Variants in VRTN observed in about 807,000 individuals in gnomAD.
VRTN encodes the protein vertebrae development associated.
A neutral mutation model predicts 18.2 loss-of-function variants in VRTN; 5 were observed. That is an observed-to-expected ratio of 0.27 (90% CI 0.14 to 0.58). The LOEUF is 0.58. VRTN is among the 20% of genes least tolerant of loss of function. The pLI, the probability that VRTN is intolerant of heterozygous loss-of-function variation, is 0.91. For synonymous variants in VRTN, 381 were observed against 393.7 expected, an observed-to-expected ratio of 0.97 and a Z score of 0.38; for missense variants, 741 against 939.4, an observed-to-expected ratio of 0.79 and a Z score of 2.76.
At chr14:74,351,236 T>C (rs2085681234) in intron 1 of VRTN, among the ~76,000 whole-genome samples, 9 of 152,202 alleles carry the variant, frequency 5.9e-5, no homozygotes, top group Admixed American at 5.9e-4. Flanking sequence ...TTTTTAAAAA[T>C]TGTATAATGT....
upstream of VRTN, among the ~76,000 whole-genome samples, chr14:74,344,246 C>CAACAAAAAAAAAAAAAAA (rs2085627146): frequency 6.2e-5 from 2 of 32,512 alleles, no homozygotes; most frequent in Non-Finnish European, 9.8e-5. Context: ...CTGCTTTCTA[C>CAACAAAAAAAAAAAAAAA]AAAAAAAAAA....
In VRTN at chr14:74,357,927, G is replaced by T; in HGVS notation, c.1144G>T (p.Val382Leu). 6.2e-7 allele frequency: 1 copy of T among 1,614,216 alleles called. No homozygotes were observed. Among genetic ancestry groups the T allele is most frequent in the South Asian group, 1.1e-5 (1 of 91,092 alleles). Reference protein sequence around the residue: ...EELEKLPEEQVAEEELECSAL... With the variant: ...EELEKLPEEQLAEEELECSAL... ...GCTAGAGAAGCTGCCGGAGGAGCAG[G>T]TGGCTGAGGAGGAGCTGGAGTGCTC... The change falls in exon 2 of 2, where the codon GTG (valine) becomes TTG (leucine). Residue 382 changes from valine (V) to leucine (L), a missense_variant. By Grantham distance (32) the Val-to-Leu change is conservative (BLOSUM62 1). Coordinates refer to ENST00000256362, the MANE Select transcript of VRTN (RefSeq NM_018228.3). This position sits in a 1 kb window ranked among gnomAD's most constrained non-coding sequence, Gnocchi z 7.8.
upstream of VRTN, among the ~76,000 whole-genome samples, chr14:74,344,961 A>C (rs2085634270): frequency 1.3e-5 from 2 of 152,176 alleles, no homozygotes; most frequent in South Asian, 4.1e-4. Context: ...ACTAGAAACA[A>C]TACTGGCTGC....
chr14:74,357,896 G>T lies in VRTN; in HGVS notation c.1113G>T (p.Met371Ile). Residue 371 changes from methionine (M) to isoleucine (I), a missense_variant, in exon 2 of 2, where the codon ATG becomes ATT. This residue lies in a region of VRTN where 494 missense variants were observed against 546.5 expected (regional missense o/e 0.90). Transcript: ENST00000256362. The surrounding 1 kb of genome is among the most constrained non-coding windows in gnomAD (Gnocchi z 7.8). ...TGCCCCCCAGGGAGGTGCTGGGCAT[G>T]GAGGAGCTAGAGAAGCTGCCGGAGG... ...PALPPREVLG[M>I]EELEKLPEEQ... The T allele has an allele frequency of 6.2e-7, 1 of 1,614,110 alleles. No individual in the cohort carries two copies. The highest frequency in any genetic ancestry group is 8.5e-7 in the Non-Finnish European group (1 of 1,180,038).
chr14:74,303,228 G>T, intron 1 of VRTN: 1 of 328,902 alleles, frequency 3.0e-6, no homozygotes, highest in Non-Finnish European at 5.5e-6. Flanking sequence ...TTCTCCCAGA[G>T]AAGCCAGCAT....
At chr14:74,306,187 T>C (rs963939268) in intron 1 of VRTN, 3 of 131,380 alleles carry the variant, frequency 2.3e-5, no homozygotes, top group Non-Finnish European at 4.7e-5. Flanking sequence ...TTTTTTTTTT[T>C]TGAGACAGAG....
chr14:74,337,733 TG>T (rs2140204927), exon 2 of VRTN: 2 of 152,318 alleles, frequency 1.3e-5, no homozygotes, highest in South Asian at 4.1e-4. Context: ...GTACGTTTCC[TG>T]AGGACAGCTG....
upstream of VRTN, among the ~76,000 whole-genome samples, chr14:74,346,058 C>G (rs1320094880): frequency 2.0e-5 from 3 of 151,706 alleles, no homozygotes; most frequent in Non-Finnish European, 2.9e-5. Flanking sequence ...AATCCCAGCA[C>G]TTTGGGAGGC....
rs1053445372 is a variant in VRTN at position 74,312,900 on chromosome 14, G to A, written c.-164+9724G>A. ...TGGGATTACAGGCTCACTCCACCAC[G>A]CCTGGCTAAGTTTTATATTTTTAGT... On this transcript the variant is annotated intron_variant, in intron 1 of 2. Transcript: ENST00000557177. 3.3e-5 allele frequency among the ~76,000 whole-genome samples: 5 copies of A among 151,804 alleles called. 1 individual carries two copies. In the South Asian group the frequency reaches 1.0e-3, roughly 32 times the overall value.
intron 1 of VRTN, among the ~76,000 whole-genome samples, chr14:74,352,693 G>A (rs961315269): frequency 9.9e-5 from 15 of 152,074 alleles, no homozygotes; most frequent in Admixed American, 2.6e-4. Flanking sequence ...GATTATAGGC[G>A]TGTGCCACCA....
rs765776854 is a variant in VRTN, at chr14:74,357,859, C to A, written c.1076C>A (p.Thr359Asn). The A allele has an allele frequency of 3.1e-6, 5 of 1,613,616 alleles. No individual in the cohort carries two copies. Among genetic ancestry groups the A allele is most frequent in the Non-Finnish European group, 4.2e-6 (5 of 1,179,822 alleles). Residue 359 changes from threonine (T) to asparagine (N), a missense_variant, in exon 2 of 2, where the codon ACC becomes AAC. Coordinates refer to ENST00000256362, the MANE Select transcript of VRTN (RefSeq NM_018228.3). This position sits in a 1 kb window ranked among gnomAD's most constrained non-coding sequence, Gnocchi z 7.8. The part of the protein sequence containing the change: ...AWKHELLGSG[T>N]CPALPPREVL... ...AAGCATGAGCTGCTGGGCTCTGGCA[C>A]CTGCCCGGCCTTGCCCCCCAGGGAG... is the stretch of plus-strand genomic sequence containing the variant.
intron 1 of VRTN, among the ~76,000 whole-genome samples, chr14:74,324,139 A>G (rs1009206408): frequency 6.6e-6 from 1 of 151,568 alleles, no homozygotes; most frequent in East Asian, 1.9e-4. Context: ...CTGTAATCCC[A>G]GCACTTTGAG....
At chr14:74,307,794 G>A (rs886526448) in intron 1 of VRTN, among the ~76,000 whole-genome samples, 4 of 151,822 alleles carry the variant, frequency 2.6e-5, no homozygotes, top group Non-Finnish European at 5.9e-5. Flanking sequence ...GCAGTGGCGC[G>A]ATCTTGGCTC....
chr14:74,337,291 C>G (rs113281211), intron 1 of VRTN, among the ~76,000 whole-genome samples: 3,879 of 151,974 alleles, frequency 0.026, 67 homozygotes, highest in African/African-American at 0.047. Flanking sequence ...TGCAGTGAGC[C>G]GAGATCGTGC....
chr14:74,329,304 C>T (rs1567041178), intron 1 of VRTN, among the ~76,000 whole-genome samples: 1 of 151,866 alleles, frequency 6.6e-6, no homozygotes, highest in Non-Finnish European at 1.5e-5. Context: ...CAGGGTCTCA[C>T]TCTTGTCACC....
intron 1 of VRTN, among the ~76,000 whole-genome samples, chr14:74,315,392 G>A (rs979819479): frequency 1.3e-5 from 2 of 152,054 alleles, no homozygotes; most frequent in African/African-American, 4.8e-5. Flanking sequence ...GTGATAATTC[G>A]TTCAACATTC....
intron 2 of VRTN, among the ~76,000 whole-genome samples, chr14:74,341,460 T>C (rs115830344): frequency 1.1e-3 from 175 of 152,354 alleles, no homozygotes; most frequent in African/African-American, 4.2e-3. Context: ...CCTGGAAAGC[T>C]GTAAATTTAA....
At chr14:74,332,215 C>G (rs978279437) in intron 1 of VRTN, among the ~76,000 whole-genome samples, 5 of 152,004 alleles carry the variant, frequency 3.3e-5, no homozygotes, top group Non-Finnish European at 7.4e-5. Context: ...CTCCCAATCC[C>G]AAAGCTTCCA....
At chr14:74,351,552 G>A (rs1397778689) in intron 1 of VRTN, among the ~76,000 whole-genome samples, 1 of 141,374 alleles carries the variant, frequency 7.1e-6, no homozygotes, top group African/African-American at 2.6e-5. Context: ...CCGGGCTGGA[G>A]TGCAGTGGCA....
Sources: gnomAD v4.1 joint callset for allele counts (sites outside exome capture counted in the v4.1 genomes callset) on GRCh38, gnomAD v4.1.1 for gene constraint, gnomAD v4.1.1 regional missense constraint, Gnocchi (gnomAD v3.1) non-coding constraint, MANE v1.5 for transcripts, NCBI Gene and HGNC (gene_info 2026-07-23, HGNC 2026-07-21) for gene names.